The following CES5A variants were observed in gnomAD, a reference collection of about 807,000 sequenced individuals.
CES5A encodes carboxylesterase 5A.
Under a neutral mutation model 62.9 loss-of-function variants are expected in CES5A, and 67 were observed. That is an observed-to-expected ratio of 1.07 (90% confidence interval 0.88 to 1.31). The LOEUF (loss-of-function observed/expected upper bound fraction) is 1.31. CES5A is among the 50% of genes most tolerant of loss of function. The pLI, the probability that CES5A is intolerant of heterozygous loss-of-function variation, is 0.00. For missense variants in CES5A, 748 were observed against 708.5 expected (o/e 1.06, Z -0.63); for synonymous variants, 296 against 280.8 (o/e 1.05, Z -0.54).
chr16:55,908,103 C>T lies in CES5A; in HGVS notation c.-256+17220G>A, dbSNP rs117703392. 4.7e-3 allele frequency among the ~76,000 whole-genome samples: 721 copies of T among 152,278 alleles called. 2 individuals are homozygous for T. The highest frequency in any genetic ancestry group is 8.7e-3 in the Non-Finnish European group (589 of 68,020). On this transcript the variant is annotated intron_variant, in intron 1 of 12. Coordinates refer to the CES5A transcript ENST00000518005. Reference sequence around the variant, plus strand: ...GGTATTGAAGAACCATCTCCTCCTTCCCCTGCCCTGTCTGATTCTTTATCA... The same window carrying T: ...GGTATTGAAGAACCATCTCCTCCTTTCCCTGCCCTGTCTGATTCTTTATCA...
chr16:55,943,557 G>C (rs1186656675), intron 2 of CES5A, among the ~76,000 whole-genome samples: 1 of 152,174 alleles, frequency 6.6e-6, no homozygotes, highest in African/African-American at 2.4e-5. Flanking sequence ...TTCTGCCTAA[G>C]ATTTCATTGA....
chr16:55,846,797 C>T lies in CES5A; in HGVS notation c.1467G>A (p.Met489Ile), dbSNP rs568224344. 1.9e-6 allele frequency: 3 copies of T among 1,614,168 alleles called. No homozygotes were observed. The highest frequency in any genetic ancestry group is 4.5e-5 in the East Asian group (2 of 44,870). ...TTCGAGCAAAGGTAGCCCAGTATTTCATCATCTTCCGGCTCAGTAACTTCT... is the reference window on the plus strand; with the variant it reads ...TTCGAGCAAAGGTAGCCCAGTATTTTATCATCTTCCGGCTCAGTAACTTCT... ...EEEKLLSRKMMKYWATFARTG... is the reference protein window; with the variant it reads ...EEEKLLSRKMIKYWATFARTG... Residue 489 changes from methionine to isoleucine, a missense_variant, in exon 12 of 13, where the codon ATG (methionine) becomes ATA (isoleucine). By Grantham distance (10) the Met-to-Ile change is conservative. Transcript: ENST00000290567.
chr16:55,891,574 C>A (rs1184239703), intron 1 of CES5A, among the ~76,000 whole-genome samples: 2 of 152,158 alleles, frequency 1.3e-5, no homozygotes, highest in African/African-American at 2.4e-5. Context: ...GCTTCCAGGT[C>A]ACAGGTAGGT....
chr16:55,873,034 G>C (rs1336611194), intron 2 of CES5A, among the ~76,000 whole-genome samples: 1 of 152,140 alleles, frequency 6.6e-6, no homozygotes, highest in African/African-American at 2.4e-5. Context: ...ACCACATGGG[G>C]TCATCTTCTG....
intron 1 of CES5A, among the ~76,000 whole-genome samples, chr16:55,885,642 G>A (rs1175671303): frequency 6.6e-6 from 1 of 152,194 alleles, no homozygotes; most frequent in Non-Finnish European, 1.5e-5. Flanking sequence ...TCCCAGAAAT[G>A]GGTCTGCCCT....
intron 2 of CES5A, among the ~76,000 whole-genome samples, chr16:55,939,970 T>A (rs1475436084): frequency 4.0e-5 from 6 of 151,832 alleles, no homozygotes; most frequent in African/African-American, 1.5e-4. Context: ...ATATTTGAAC[T>A]GAATGAAAAT....
intron 7 of CES5A, among the ~76,000 whole-genome samples, chr16:55,860,705 G>T (rs1351694720): frequency 7.2e-5 from 11 of 152,152 alleles, no homozygotes; most frequent in Non-Finnish European, 1.5e-4. Context: ...TTTGAGATTT[G>T]GGTAGAAAGG....
At position 55,939,443 on chromosome 16, in the gene CES5A, G is replaced by A. The variant is rs144328131; in HGVS notation, c.160+10342C>T. Reference sequence around the variant, plus strand: ...TCTGTATAGTAAATACTAACAGGTAGATAGGGAAGTAAGACCAGAACTCAA... The same window carrying A: ...TCTGTATAGTAAATACTAACAGGTAAATAGGGAAGTAAGACCAGAACTCAA... On this transcript the variant is annotated intron_variant, in intron 2 of 13. Coordinates refer to the CES5A transcript ENST00000521992. 6.3e-3 allele frequency among the ~76,000 whole-genome samples: 957 copies of A among 152,290 alleles called. 9 individuals carry two copies. Among genetic ancestry groups the A allele is most frequent in the African/African-American group, 0.021 (883 of 41,556 alleles).
At position 55,852,929 on chromosome 16, in the gene CES5A, C is replaced by A; in HGVS notation, c.1225G>T (p.Asp409Tyr). The A allele has an allele frequency of 6.2e-7, 1 of 1,614,182 alleles. No individual in the cohort carries two copies. The highest frequency in any genetic ancestry group is 2.2e-5 in the East Asian group (1 of 44,880). ...IRDSLLDLLG[D>Y]VFFVVPALIT... ...AGTGCAGGGACCACAAAGAACACAT[C>A]TCCAAGCAAGTCCAGAAGACTGTCT... is the stretch of plus-strand genomic sequence containing the variant. The change falls in exon 10 of 13, where the codon GAT becomes TAT. Residue 409 changes from aspartate (D) to tyrosine (Y), a missense_variant. Asp to Tyr is a radical substitution (Grantham distance 160). Coordinates refer to ENST00000290567, the MANE Select transcript of CES5A (RefSeq NM_001143685.2).
intron 1 of CES5A, among the ~76,000 whole-genome samples, chr16:55,901,342 C>T (rs755318680): frequency 9.9e-5 from 15 of 152,088 alleles, no homozygotes; most frequent in Non-Finnish European, 1.8e-4. Context: ...TTGGGTATGT[C>T]TTCATTAGCA....
At chr16:55,864,758 A>C (rs1367548445) in intron 5 of CES5A, among the ~76,000 whole-genome samples, 2 of 152,120 alleles carry the variant, frequency 1.3e-5, no homozygotes, top group African/African-American at 4.8e-5. Context: ...AAAAAAAAAG[A>C]ATTAGCTGGG....
rs187101253 is a variant in CES5A at position 55,897,374 on chromosome 16, T to C, written c.-255-23337A>G. Reference sequence around the variant, plus strand: ...CCCAGGGGTAGAAGACAAGAGTACTTACAGAAGGGGGAAAAAGGGTTCTAG... The same window carrying C: ...CCCAGGGGTAGAAGACAAGAGTACTCACAGAAGGGGGAAAAAGGGTTCTAG... On this transcript the variant is annotated intron_variant, in intron 1 of 12. Coordinates refer to the CES5A transcript ENST00000518005. Among the ~76,000 whole-genome samples the C allele has an allele frequency of 7.2e-3, 1,095 of 152,142 alleles. 5 individuals are homozygous for C. The highest frequency in any genetic ancestry group is 0.013 in the Admixed American group (196 of 15,286).
At chr16:55,914,834 G>A (rs1475646239) in intron 1 of CES5A, among the ~76,000 whole-genome samples, 1 of 152,130 alleles carries the variant, frequency 6.6e-6, no homozygotes, top group Non-Finnish European at 1.5e-5. Context: ...AAAAACGTCA[G>A]CAGTTTAGTT....
intron 1 of CES5A, among the ~76,000 whole-genome samples, chr16:55,882,915 G>A (rs554761703): frequency 8.5e-5 from 13 of 152,198 alleles, no homozygotes; most frequent in African/African-American, 3.1e-4. Flanking sequence ...ACATGTGAGC[G>A]TGATGTTCTT....
At position 55,931,225 on chromosome 16, in the gene CES5A, C is replaced by T. The variant is rs76400132; in HGVS notation, c.160+18560G>A. Among the ~76,000 whole-genome samples, 1,218 of 152,304 alleles carry T rather than the reference C, an allele frequency of 8.0e-3. 17 individuals carry two copies. Among genetic ancestry groups the T allele is most frequent in the African/African-American group, 0.024 (984 of 41,554 alleles). On this transcript the variant is annotated intron_variant, in intron 2 of 13. Coordinates refer to the CES5A transcript ENST00000521992. Reference sequence around the variant, plus strand: ...AACTTCTCTACTGTAAATATCCTTCCTTCTCATTCCCTTCCTGCAGTCTAT... The same window carrying T: ...AACTTCTCTACTGTAAATATCCTTCTTTCTCATTCCCTTCCTGCAGTCTAT...
intron 2 of CES5A, among the ~76,000 whole-genome samples, chr16:55,943,135 G>C (rs2034461796): frequency 6.6e-6 from 1 of 152,162 alleles, no homozygotes; most frequent in Non-Finnish European, 1.5e-5. Flanking sequence ...ACATTTTAGA[G>C]TTGCGCATTT....
chr16:55,917,685 C>T (rs545367146), intron 1 of CES5A, among the ~76,000 whole-genome samples: 1 of 152,256 alleles, frequency 6.6e-6, no homozygotes, highest in East Asian at 1.9e-4. Flanking sequence ...GTTGTAAGCT[C>T]ATCTCAGGTT....
At chr16:55,922,360 T>C (rs1266975394) in intron 1 of CES5A, among the ~76,000 whole-genome samples, 1 of 151,750 alleles carries the variant, frequency 6.6e-6, no homozygotes, top group Admixed American at 6.6e-5. Flanking sequence ...TGATATTCCA[T>C]GCAAACAGAA....
chr16:55,922,463 T>C (rs2034215455), intron 1 of CES5A, among the ~76,000 whole-genome samples: 1 of 151,870 alleles, frequency 6.6e-6, no homozygotes. Flanking sequence ...CACTACGTAA[T>C]GATAAAGGGG....
Sources: allele counts gnomAD v4.1 joint callset (sites outside exome capture counted in the v4.1 genomes callset), GRCh38; gene constraint gnomAD v4.1.1; transcripts MANE v1.5; gene names NCBI Gene and HGNC (gene_info 2026-07-23, HGNC 2026-07-21).